The following IFT88 variants were observed in gnomAD, a reference collection of about 807,000 sequenced individuals.
IFT88 encodes intraflagellar transport 88.
In IFT88, 74 loss-of-function variants were observed where a neutral mutation model predicts 119.5. The ratio of observed to expected loss-of-function variants is 0.62; its 90% CI spans 0.51 to 0.75. The LOEUF is 0.75. Ranked by LOEUF, IFT88 falls within the 30% of genes least tolerant of loss-of-function variation. The probability of loss-of-function intolerance (pLI) is 0.00; values close to 1 mark genes in which losing one functional copy is unlikely to be tolerated. For missense variants in IFT88, 961 were observed against 977.7 expected (o/e 0.98, Z 0.23); for synonymous variants, 279 against 316.7 (o/e 0.88, Z 1.26).
At chr13:20,619,024 T>C (rs2046094673) in intron 14 of IFT88, among the ~76,000 whole-genome samples, 1 of 152,004 alleles carries the variant, frequency 6.6e-6, no homozygotes, top group Non-Finnish European at 1.5e-5. Flanking sequence ...GCCCGGCCAA[T>C]TTTTTGTATT....
chr13:20,626,091 C>A (rs545820868), intron 15 of IFT88, among the ~76,000 whole-genome samples: 1 of 89,776 alleles, frequency 1.1e-5, no homozygotes, highest in Non-Finnish European at 1.9e-5. Flanking sequence ...GATGGAGTCT[C>A]GCTCTGTTGC....
intron 24 of IFT88, among the ~76,000 whole-genome samples, chr13:20,681,549 C>T (rs1474490478): frequency 2.6e-5 from 4 of 152,188 alleles, no homozygotes; most frequent in South Asian, 2.1e-4. Context: ...AAGTGTCTAG[C>T]GTTAGATATT....
chr13:20,578,672 C>T (rs2037950990), intron 2 of IFT88, among the ~76,000 whole-genome samples: 1 of 152,116 alleles, frequency 6.6e-6, no homozygotes, highest in African/African-American at 2.4e-5. Flanking sequence ...GCCTCAGCCT[C>T]CCAAGTAGCT....
chr13:20,676,842 A>C (rs750404445), intron 24 of IFT88, among the ~76,000 whole-genome samples: 1 of 152,224 alleles, frequency 6.6e-6, no homozygotes, highest in Non-Finnish European at 1.5e-5. Flanking sequence ...ATGCACATAC[A>C]TACATATATA....
chr13:20,686,462 T>C (rs1211100688), intron 24 of IFT88, among the ~76,000 whole-genome samples: 1 of 152,206 alleles, frequency 6.6e-6, no homozygotes, highest in Non-Finnish European at 1.5e-5. Flanking sequence ...GCATCTCCTT[T>C]TGCCTCTGCT....
chr13:20,603,520 A>G (rs2042947955), intron 12 of IFT88, among the ~76,000 whole-genome samples: 1 of 152,150 alleles, frequency 6.6e-6, no homozygotes, highest in African/African-American at 2.4e-5. Flanking sequence ...TAATGGGATT[A>G]ACTATTATAA....
chr13:20,601,104 G>A (rs910088250), intron 11 of IFT88, among the ~76,000 whole-genome samples: 4 of 152,200 alleles, frequency 2.6e-5, no homozygotes, highest in Non-Finnish European at 4.4e-5. Flanking sequence ...GGTGCCTCAT[G>A]CCTGTAATCC....
intron 13 of IFT88, among the ~76,000 whole-genome samples, chr13:20,608,511 A>G (rs2043907186): frequency 6.6e-6 from 1 of 152,186 alleles, no homozygotes; most frequent in African/African-American, 2.4e-5. Flanking sequence ...TCTGCATTCC[A>G]GATAACATTC....
At chr13:20,664,906 T>C (rs1166796646) in intron 23 of IFT88, among the ~76,000 whole-genome samples, 28 of 152,100 alleles carry the variant, frequency 1.8e-4, no homozygotes, top group East Asian at 1.7e-3. Context: ...ACTGAAACTC[T>C]GTCTCTACTA....
At chr13:20,631,773 G>A (rs868655062) in intron 16 of IFT88, 1 of 152,222 alleles carries the variant, frequency 6.6e-6, no homozygotes, top group African/African-American at 2.4e-5. Context: ...GCAAGGAACT[G>A]CTGGGAGGGA....
intron 13 of IFT88, among the ~76,000 whole-genome samples, chr13:20,614,918 C>A (rs913986204): frequency 1.3e-5 from 2 of 148,764 alleles, no homozygotes; most frequent in African/African-American, 2.4e-5. Context: ...CAGGTTCATG[C>A]CATTCTCCTG....
At chr13:20,567,880 TCGAGA>T in intron 1 of IFT88, 1 of 730,036 alleles carries the variant, frequency 1.4e-6, no homozygotes. Flanking sequence ...TTTTTTTTTT[TCGAGA>T]AACTGCAGTA....
At chr13:20,616,667 C>T (rs544553177) in intron 14 of IFT88, among the ~76,000 whole-genome samples, 4 of 152,062 alleles carry the variant, frequency 2.6e-5, no homozygotes, top group East Asian at 1.9e-4. Context: ...CATCATCAAG[C>T]GATGCCTTAC....
At chr13:20,595,855 G>A (rs1209482528) in intron 7 of IFT88, among the ~76,000 whole-genome samples, 1 of 151,922 alleles carries the variant, frequency 6.6e-6, no homozygotes, top group Non-Finnish European at 1.5e-5. Flanking sequence ...GCCTCCCTGG[G>A]CAAGATGAGG....
intron 23 of IFT88, 56 bp from the exon 24 acceptor site, chr13:20,670,905 CCTTTATCTATAT>C: frequency 7.3e-7 from 1 of 1,364,042 alleles, no homozygotes; most frequent in South Asian, 1.2e-5. Context: ...TTAAAATCCA[CCTTTATCTATAT>C]TCAACTTTGA....
At chr13:20,680,963 A>G (rs2057260794) in intron 24 of IFT88, among the ~76,000 whole-genome samples, 1 of 152,210 alleles carries the variant, frequency 6.6e-6, no homozygotes, top group South Asian at 2.1e-4. Flanking sequence ...GCCTTTAGAT[A>G]GGCTCAAAAA....
chr13:20,641,267 CT>C (rs753853914), intron 17 of IFT88, 22 bp from the exon 18 acceptor site: 12 of 1,355,222 alleles, frequency 8.9e-6, no homozygotes, highest in Admixed American at 1.8e-5. Flanking sequence ...TATAGATTTT[CT>C]TTTTTTTCTT....
chr13:20,614,710 C>T (rs2045282683), intron 13 of IFT88, among the ~76,000 whole-genome samples: 3 of 151,926 alleles, frequency 2.0e-5, no homozygotes, highest in Admixed American at 6.6e-5. Context: ...TACATGGAAT[C>T]TCTTATGTTT....
chr13:20,607,489 C>A, intron 13 of IFT88: 1 of 683,660 alleles, frequency 1.5e-6, no homozygotes, highest in South Asian at 1.6e-5. Context: ...TGGCCACGGT[C>A]ACCAAGTTGT....
Sources: gnomAD v4.1 joint callset for allele counts (sites outside exome capture counted in the v4.1 genomes callset) on GRCh38, gnomAD v4.1.1 for gene constraint, MANE v1.5 for transcripts, NCBI Gene and HGNC (gene_info 2026-07-23, HGNC 2026-07-21) for gene names.